The following DCDC1 variants were observed in gnomAD, a reference collection of about 807,000 sequenced individuals.
DCDC1 encodes doublecortin domain containing 1.
In DCDC1, 200 loss-of-function variants were observed where a neutral mutation model predicts 178.3. The observed-to-expected ratio is 1.12, with a 90% CI of 1.00 to 1.26. The LOEUF is 1.26. Among genes scored for constraint, DCDC1 ranks in the 50% most tolerant of loss-of-function variants. The pLI is 0.00. For synonymous variants in DCDC1, 690 were observed against 604.8 expected (o/e 1.14, Z -2.07); for missense variants, 1,983 against 1,749.2 (o/e 1.13, Z -2.38).
chr11:30,865,605 A>C (rs1940910090), intron 38 of DCDC1, among the ~76,000 whole-genome samples: 1 of 152,172 alleles, frequency 6.6e-6, no homozygotes, highest in Admixed American at 6.6e-5. Context: ...GTCTTTACTA[A>C]GACTGACCGG....
At chr11:30,894,133 A>C in intron 35 of DCDC1, 115 bp downstream of exon 35, 1 of 1,398,242 alleles carries the variant, frequency 7.2e-7, no homozygotes, top group Non-Finnish European at 9.5e-7. Context: ...ATATGGTCAT[A>C]ACTGATCAGA....
At chr11:31,270,632 C>T (rs936848795) in intron 7 of DCDC1, among the ~76,000 whole-genome samples, 7 of 152,132 alleles carry the variant, frequency 4.6e-5, no homozygotes, top group East Asian at 1.9e-4. Flanking sequence ...TTCTTCAAAG[C>T]GCTCTCAAGT....
chr11:31,179,289 A>G (rs1968473197), intron 9 of DCDC1, among the ~76,000 whole-genome samples: 2 of 152,196 alleles, frequency 1.3e-5, no homozygotes, highest in African/African-American at 4.8e-5. Context: ...AATATTAAAC[A>G]TAGAACTACC....
chr11:30,896,201 G>A (rs946195580), intron 34 of DCDC1, among the ~76,000 whole-genome samples: 3 of 152,090 alleles, frequency 2.0e-5, no homozygotes, highest in African/African-American at 7.2e-5. Context: ...TGTATTGAAC[G>A]AATTGTTTTT....
intron 27 of DCDC1, among the ~76,000 whole-genome samples, chr11:30,912,440 C>T (rs760665612): frequency 6.6e-5 from 10 of 152,242 alleles, no homozygotes; most frequent in East Asian, 3.9e-4. Context: ...TGTGCCACTA[C>T]GCCCAGCTAA....
At chr11:30,995,747 T>G (rs983629800) in intron 20 of DCDC1, among the ~76,000 whole-genome samples, 1 of 152,084 alleles carries the variant, frequency 6.6e-6, no homozygotes, top group Non-Finnish European at 1.5e-5. Context: ...AGAACCTTGA[T>G]AAATACCTCA....
At chr11:31,343,456 G>A (rs868720551) in intron 1 of DCDC1, among the ~76,000 whole-genome samples, 5 of 152,044 alleles carry the variant, frequency 3.3e-5, no homozygotes, top group Non-Finnish European at 5.9e-5. Context: ...ACAGGTGTGC[G>A]CCACCATGCC....
chr11:31,081,376 G>A (rs1484873603), intron 17 of DCDC1, among the ~76,000 whole-genome samples: 1 of 152,132 alleles, frequency 6.6e-6, no homozygotes, highest in Non-Finnish European at 1.5e-5. Context: ...TTGGGAGGCC[G>A]AGGCGGGTGG....
intron 9 of DCDC1, among the ~76,000 whole-genome samples, chr11:31,233,519 A>G (rs1397419014): frequency 6.6e-6 from 1 of 152,146 alleles, no homozygotes; most frequent in African/African-American, 2.4e-5. Flanking sequence ...GAGGTACCCA[A>G]AAGATAAGGT....
rs1401534192 is a variant in DCDC1, at chr11:31,065,040, A to G, written c.2412T>C (p.His804=). 3 of 763,194 alleles carry G rather than the reference A, an allele frequency of 3.9e-6. No individual in the cohort carries two copies. In the South Asian group the frequency reaches 4.0e-5, roughly 10 times the overall value. The allele number at this position is 763,194 out of a possible 1,614,324, so 47.3% of individuals were successfully genotyped here. A position where few individuals can be genotyped will look rare whatever the true frequency, so the allele number is the denominator to read the frequency against. Residue 804 remains histidine, a synonymous_variant, in exon 19 of 39, where the codon CAT becomes CAC. Transcript: ENST00000684477. ...HGAWTTAHQE[H]GRNLAEEVLQ... is the part of the protein sequence containing the mutation. ...TGACCTCTTCTGCTAAGTTTCTGCCATGTTCCTGATGAGCTGTGGTCCAGG... is the reference window on the plus strand; with the variant it reads ...TGACCTCTTCTGCTAAGTTTCTGCCGTGTTCCTGATGAGCTGTGGTCCAGG...
chr11:31,175,675 C>A (rs1967918268), intron 9 of DCDC1, among the ~76,000 whole-genome samples: 1 of 152,226 alleles, frequency 6.6e-6, no homozygotes, highest in Admixed American at 6.5e-5. Flanking sequence ...ATCCTATCAA[C>A]CTCCATGCCC....
At chr11:31,304,644 G>A (rs546343149) in intron 6 of DCDC1, among the ~76,000 whole-genome samples, 22 of 152,170 alleles carry the variant, frequency 1.4e-4, no homozygotes, top group African/African-American at 5.1e-4. Flanking sequence ...ACAGAAGGGA[G>A]ATTTTTATCA....
intron 1 of DCDC1, among the ~76,000 whole-genome samples, chr11:31,368,657 C>T (rs1952098780): frequency 6.6e-6 from 1 of 152,148 alleles, no homozygotes; most frequent in Non-Finnish European, 1.5e-5. Context: ...AATAACTGAT[C>T]ATATTAGATT....
intron 28 of DCDC1, 76 bp from the exon 29 acceptor site, chr11:30,909,192 T>C: frequency 7.6e-7 from 1 of 1,309,052 alleles, no homozygotes; most frequent in Non-Finnish European, 1.0e-6. Flanking sequence ...ATTGCATATA[T>C]CCAGAAAGTG....
At chr11:30,993,202 A>G (rs77972864) in intron 20 of DCDC1, among the ~76,000 whole-genome samples, 2,137 of 152,232 alleles carry the variant, frequency 0.014, 51 homozygotes, top group African/African-American at 0.049. Context: ...TCAAAGAGGA[A>G]GTGTCAAAAT....
chr11:31,190,367 T>C (rs941727906), intron 9 of DCDC1, among the ~76,000 whole-genome samples: 5 of 152,142 alleles, frequency 3.3e-5, no homozygotes, highest in Non-Finnish European at 7.4e-5. Flanking sequence ...AGATGCAACA[T>C]TGATAGCAAA....
intron 9 of DCDC1, among the ~76,000 whole-genome samples, chr11:31,206,706 C>T (rs759899224): frequency 4.6e-5 from 7 of 151,922 alleles, no homozygotes; most frequent in African/African-American, 1.7e-4. Context: ...TGAGCCACCG[C>T]GCCTGGCCCA....
chr11:31,218,072 A>G (rs1308988198), intron 9 of DCDC1, among the ~76,000 whole-genome samples: 1 of 152,078 alleles, frequency 6.6e-6, no homozygotes, highest in Non-Finnish European at 1.5e-5. Flanking sequence ...CTTTTTTCCT[A>G]AATTTTTATC....
intron 20 of DCDC1, among the ~76,000 whole-genome samples, chr11:31,057,923 T>C (rs1201980874): frequency 3.9e-5 from 6 of 152,122 alleles, no homozygotes; most frequent in Non-Finnish European, 8.8e-5. Flanking sequence ...TTTACCGTAA[T>C]GACTTGTTTA....
Sources: gnomAD v4.1 joint callset for allele counts (sites outside exome capture counted in the v4.1 genomes callset) on GRCh38, gnomAD v4.1.1 for gene constraint, MANE v1.5 for transcripts, NCBI Gene and HGNC (gene_info 2026-07-23, HGNC 2026-07-21) for gene names.